VPS72: variants seen among roughly 807,000 people sequenced by gnomAD.
VPS72 encodes the protein vacuolar protein sorting-associated protein 72 homolog.
A neutral mutation model predicts 38.9 loss-of-function variants in VPS72; 27 were observed. That is an observed-to-expected ratio of 0.69 (90% CI 0.51 to 0.96). The LOEUF (loss-of-function observed/expected upper bound fraction) is 0.96. VPS72 is among the 40% of genes least tolerant of loss of function. The pLI, the probability that VPS72 is intolerant of heterozygous loss-of-function variation, is 0.00. For synonymous variants in VPS72, 173 were observed against 186.3 expected (o/e 0.93, Z 0.58); for missense variants, 360 against 479.5 (o/e 0.75, Z 2.33).
At chr1:151,182,948 A>G (rs587758052) in intron 4 of VPS72, among the ~76,000 whole-genome samples, 1 of 152,022 alleles carries the variant, frequency 6.6e-6, no homozygotes, top group Non-Finnish European at 1.5e-5. Flanking sequence ...AAGACTTCCA[A>G]ATTTGTATTT....
rs1366354066 is a variant in VPS72, at chr1:151,184,247, C to T, written c.562+70G>A. On this transcript the variant is annotated intron_variant, in intron 4 of 5. Transcript: ENST00000368892. ...TTTCCATCTCTCCAGTTCTTTGGTC[C>T]TCCAGGTCTCATGGTTTTTCTCATG... 10 of 1,564,216 alleles carry T rather than the reference C, an allele frequency of 6.4e-6. No individual in the cohort carries two copies. The African/African-American group carries it at 1.2e-4, about 19-fold the overall frequency.
In VPS72 at chr1:151,190,006, T is replaced by A; in HGVS notation, c.116A>T (p.Glu39Val). ...CCTTTTCCCAGGCCCGGATCTTGCC[T>A]CTGTGAAACCCCCATAAGTCGTCTG... ...FYQTTYGGFT[E>V]ESGDDEYQGD... The change falls in exon 1 of 6, where the codon GAG (glutamate) becomes GTG (valine). Residue 39 changes from glutamate (E) to valine (V), a missense_variant and splice_region_variant. Physicochemically the swap from Glu to Val is moderately radical, Grantham distance 121. Coordinates refer to ENST00000368892, the MANE Select transcript of VPS72 (RefSeq NM_005997.3). The A allele has an allele frequency of 4.3e-6, 7 of 1,613,884 alleles. No individual in the cohort carries two copies. The highest frequency in any genetic ancestry group is 5.9e-6 in the Non-Finnish European group (7 of 1,179,914).
At chr1:151,179,912 G>GA (rs910735813) in intron 4 of VPS72, among the ~76,000 whole-genome samples, 4 of 151,564 alleles carry the variant, frequency 2.6e-5, no homozygotes, top group Non-Finnish European at 4.4e-5. Flanking sequence ...ACAAACATAC[G>GA]AAAAAAAATG....
chr1:151,184,580 A>AT (rs966822975), intron 3 of VPS72, 87 bp from the exon 4 acceptor site: 209 of 1,334,912 alleles, frequency 1.6e-4, no homozygotes, highest in East Asian at 1.9e-4. Flanking sequence ...CTTGGAAATA[A>AT]TTTTTTTTTC....
In VPS72 at chr1:151,184,450, T is replaced by C; in HGVS notation, c.429A>G (p.Gln143=). 3 of 1,613,942 alleles carry C rather than the reference T, an allele frequency of 1.9e-6. No homozygotes were observed. Among genetic ancestry groups the C allele is most frequent in the Non-Finnish European group, 1.7e-6 (2 of 1,180,038 alleles). ...MRQSTAEHTR[Q]TFLRVQERQG... ...GCCTCTCCTGTACCCGAAGGAACGTTTGTCGTGTATGCTCAGCTGTAGACT... is the reference window on the plus strand; with the variant it reads ...GCCTCTCCTGTACCCGAAGGAACGTCTGTCGTGTATGCTCAGCTGTAGACT... The change falls in exon 4 of 6, where the codon CAA becomes CAG. Residue 143 remains glutamine, a synonymous_variant. Transcript: ENST00000368892.
intron 1 of VPS72, among the ~76,000 whole-genome samples, chr1:151,186,919 C>T (rs1328417314): frequency 6.6e-6 from 1 of 152,180 alleles, no homozygotes; most frequent in East Asian, 1.9e-4. Context: ...ATTCTCAATC[C>T]CCTCCATCTC....
chr1:151,187,376 A>T (rs939300000), intron 1 of VPS72, among the ~76,000 whole-genome samples: 3 of 152,196 alleles, frequency 2.0e-5, no homozygotes, highest in Admixed American at 6.5e-5. Context: ...AGCCAGCCAG[A>T]GTTCAATTTT....
intron 1 of VPS72, 62 bp downstream of exon 1, chr1:151,189,943 G>A (rs1684429751): frequency 1.3e-6 from 2 of 1,570,812 alleles, no homozygotes; most frequent in African/African-American, 1.4e-5. Flanking sequence ...TTTGTCCGGG[G>A]TTTCTCCCTT....
rs767582545 is a variant in VPS72 at position 151,184,448 on chromosome 1, G to A, written c.431C>T (p.Thr144Met). 6.2e-7 allele frequency: 1 copy of A among 1,613,902 alleles called. No homozygotes were observed. Among genetic ancestry groups the A allele is most frequent in the Non-Finnish European group, 8.5e-7 (1 of 1,180,034 alleles). Residue 144 changes from threonine to methionine, a missense_variant, in exon 4 of 6, where the codon ACG becomes ATG. Physicochemically the swap from Thr to Met is moderately conservative, Grantham distance 81. This residue lies in a region of VPS72 where 294 missense variants were observed against 356.3 expected (regional missense o/e 0.83). Transcript: ENST00000368892. Reference protein sequence around the residue: ...RQSTAEHTRQTFLRVQERQGQ... With the variant: ...RQSTAEHTRQMFLRVQERQGQ... ...CTGCCTCTCCTGTACCCGAAGGAACGTTTGTCGTGTATGCTCAGCTGTAGA... is the reference window on the plus strand; with the variant it reads ...CTGCCTCTCCTGTACCCGAAGGAACATTTGTCGTGTATGCTCAGCTGTAGA...
intron 4 of VPS72, among the ~76,000 whole-genome samples, chr1:151,181,548 T>G (rs1452291728): frequency 6.6e-6 from 1 of 151,618 alleles, no homozygotes; most frequent in African/African-American, 2.4e-5. Flanking sequence ...CAGTCACATT[T>G]TCCTTTTTAA....
chr1:151,178,863 G>A lies in VPS72; in HGVS notation c.563-718C>T, dbSNP rs76023470. On this transcript the variant is annotated intron_variant, in intron 4 of 5. Transcript: ENST00000368892. ...GGTCTCCGTGATACTGCTCCATGGC[G>A]ATGCACTATTGGTATATATGTCTCC... 8.5e-4 allele frequency among the ~76,000 whole-genome samples: 129 copies of A among 152,238 alleles called. 1 individual carries two copies. Among genetic ancestry groups the A allele is most frequent in the Non-Finnish European group, 1.5e-3 (102 of 68,008 alleles).
intron 4 of VPS72, among the ~76,000 whole-genome samples, chr1:151,183,157 C>T (rs1314823259): frequency 1.3e-5 from 2 of 152,046 alleles, no homozygotes; most frequent in Non-Finnish European, 2.9e-5. Context: ...CGGGGTGGCC[C>T]AAGCCTGTAA....
intron 3 of VPS72, among the ~76,000 whole-genome samples, chr1:151,185,150 T>C (rs970761654): frequency 6.6e-6 from 1 of 152,122 alleles, no homozygotes; most frequent in African/African-American, 2.4e-5. Context: ...TTTTTATTAC[T>C]TTTTTCTGGT....
chr1:151,179,131 A>G (rs587603600), intron 4 of VPS72, among the ~76,000 whole-genome samples: 1 of 152,008 alleles, frequency 6.6e-6, no homozygotes, highest in Non-Finnish European at 1.5e-5. Context: ...AAAATACAAA[A>G]ACTATCCGGG....
chr1:151,185,944 C>A lies in VPS72; in HGVS notation c.124G>T (p.Gly42Ter), dbSNP rs1684338958. 6.2e-7 allele frequency: 1 copy of A among 1,613,858 alleles called. No individual in the cohort carries two copies. The highest frequency in any genetic ancestry group is 8.5e-7 in the Non-Finnish European group (1 of 1,180,012). Reference sequence around the variant, plus strand: ...TGGTCCCCTTGATACTCATCATCTCCGGATTCCTAAGGACACAGGGAGATA... The same window carrying A: ...TGGTCCCCTTGATACTCATCATCTCAGGATTCCTAAGGACACAGGGAGATA... ...TTYGGFTEESGDDEYQGDQSD... is the reference protein window; with the variant it reads ...TTYGGFTEES The change falls in exon 2 of 6, where the codon GGA becomes TGA. Residue 42 changes from glycine to a stop codon, truncating the protein, a stop_gained. Coordinates refer to ENST00000368892, the MANE Select transcript of VPS72 (RefSeq NM_005997.3). LOFTEE classifies it high-confidence loss of function.
In VPS72 at chr1:151,184,572, T is replaced by C. The variant is rs974500644; in HGVS notation, c.386-79A>G. ...TTTATTTATTTTGAAATGTTGTACT[T>C]GGAAATAATTTTTTTTTCTTTTTTT... On this transcript the variant is annotated intron_variant, in intron 3 of 5. Coordinates refer to ENST00000368892, the MANE Select transcript of VPS72 (RefSeq NM_005997.3). The C allele has an allele frequency of 1.3e-5, 18 of 1,407,722 alleles. No individual in the cohort carries two copies. The Admixed American group carries it at 2.6e-4, about 21-fold the overall frequency. The allele number at this position is 1,407,722 out of a possible 1,614,324, so 87.2% of individuals were successfully genotyped here. A position where few individuals can be genotyped will look rare whatever the true frequency, so the allele number is the denominator to read the frequency against.
chr1:151,185,457 T>G, intron 3 of VPS72, 49 bp downstream of exon 3: 1 of 1,544,850 alleles, frequency 6.5e-7, no homozygotes, highest in Non-Finnish European at 8.9e-7. Flanking sequence ...ATATGATACT[T>G]TATTATTATA....
intron 1 of VPS72, 118 bp downstream of exon 1, chr1:151,189,887 G>T: frequency 1.7e-6 from 2 of 1,165,822 alleles, no homozygotes; most frequent in Admixed American, 2.1e-5. Flanking sequence ...CACCCAACTC[G>T]AGTATCAGCT....
In VPS72 at chr1:151,190,140, G is replaced by C; in HGVS notation, c.-19C>G. On this transcript the variant is annotated 5_prime_UTR_variant, in exon 1 of 6. Coordinates refer to ENST00000368892, the MANE Select transcript of VPS72 (RefSeq NM_005997.3). ...AACTCATACCGCCTACCGAGACTGCGCCGCCACCTGCAGCCCCTCACCAGC... is the reference window on the plus strand; with the variant it reads ...AACTCATACCGCCTACCGAGACTGCCCCGCCACCTGCAGCCCCTCACCAGC... The C allele has an allele frequency of 1.9e-6, 3 of 1,610,948 alleles. No homozygotes were observed. Among genetic ancestry groups the C allele is most frequent in the Non-Finnish European group, 2.5e-6 (3 of 1,179,718 alleles).
Sources: allele counts gnomAD v4.1 joint callset (sites outside exome capture counted in the v4.1 genomes callset), GRCh38; gene constraint gnomAD v4.1.1; regional missense constraint gnomAD v4.1.1; transcripts MANE v1.5; gene names NCBI Gene and HGNC (gene_info 2026-07-23, HGNC 2026-07-21).